The following FMO4 variants were observed in gnomAD, a reference collection of about 807,000 sequenced individuals.
FMO4 encodes the protein flavin containing dimethylaniline monoxygenase 4, also known as dimethylaniline monooxygenase [N-oxide-forming] 4.
FMO4 carries 38 observed loss-of-function variants against 43.3 expected under a neutral mutation model. The observed-to-expected ratio is 0.88, with a 90% CI of 0.68 to 1.15. The LOEUF (loss-of-function observed/expected upper bound fraction) is 1.15. Among genes scored for constraint, FMO4 ranks in the 50% most tolerant of loss-of-function variants. The pLI is 0.00. For synonymous variants in FMO4, 224 were observed against 232.2 expected, an observed-to-expected ratio of 0.96 and a Z score of 0.32; for missense variants, 631 against 663.3, an observed-to-expected ratio of 0.95 and a Z score of 0.54.
intron 4 of FMO4, 93 bp from the exon 5 acceptor site, chr1:171,324,045 C>A: frequency 1.7e-6 from 2 of 1,176,148 alleles, no homozygotes; most frequent in Non-Finnish European, 2.3e-6. Context: ...TGGGACTTGG[C>A]CTACTAAAAG....
At chr1:171,327,359 A>G (rs1662712236) in intron 5 of FMO4, among the ~76,000 whole-genome samples, 1 of 152,094 alleles carries the variant, frequency 6.6e-6, no homozygotes. Context: ...CTGACAGCTG[A>G]GCTCCAGAGT....
Position 171,335,721 on chromosome 1 carries a change from CA to C in FMO4, c.1180+967del, listed in dbSNP as rs968199832. On this transcript the variant is annotated intron_variant, in intron 8 of 9. Coordinates refer to ENST00000367749, the MANE Select transcript of FMO4 (RefSeq NM_002022.3). ...AACCGTACGTTCTCCTAAGTTGGCA[CA>C]AAAAAAAATGTTATTTGAATGGGGG... Among the ~76,000 whole-genome samples the C allele has an allele frequency of 9.4e-5, 14 of 148,798 alleles. No homozygotes were observed. The East Asian group carries it at 9.8e-4, about 10-fold the overall frequency.
rs1663400702 is a variant in FMO4 at position 171,342,031 on chromosome 1, TC to T, written c.*193del. The T allele has an allele frequency of 5.3e-6, 3 of 569,308 alleles. No individual in the cohort carries two copies. In the South Asian group the frequency reaches 7.2e-5, roughly 14 times the overall value. 35.3% of individuals were successfully genotyped at this position (569,308 alleles called of 1,614,324 possible). A position where few individuals can be genotyped will look rare whatever the true frequency, so the allele number is the denominator to read the frequency against. On this transcript the variant is annotated 3_prime_UTR_variant, in exon 10 of 10. Coordinates refer to ENST00000367749, the MANE Select transcript of FMO4 (RefSeq NM_002022.3). ...TCTTGCCACCCTTTCCAATGCATCT[TC>T]TACCCTGCTACCTCAGTGATTATTC...
intron 5 of FMO4, among the ~76,000 whole-genome samples, chr1:171,329,680 T>G (rs1242219486): frequency 6.6e-6 from 1 of 152,188 alleles, no homozygotes; most frequent in Non-Finnish European, 1.5e-5. Context: ...CCTGGCTCCA[T>G]GTCAACATGA....
chr1:171,327,859 G>A (rs1412388063), intron 5 of FMO4, among the ~76,000 whole-genome samples: 1 of 152,126 alleles, frequency 6.6e-6, no homozygotes, highest in Non-Finnish European at 1.5e-5. Flanking sequence ...GTTACAGTGA[G>A]CTCTGATGGT....
Position 171,331,738 on chromosome 1 carries a change from A to G in FMO4, c.583A>G (p.Thr195Ala). The change falls in exon 6 of 10, where the codon ACT becomes GCT. Residue 195 changes from threonine to alanine, a missense_variant. Thr to Ala is a moderately conservative substitution (Grantham distance 58). Coordinates refer to ENST00000367749, the MANE Select transcript of FMO4 (RefSeq NM_002022.3). ...CGTCTTGGTGATTGGTCTTGGGAACACTGGAGGAGACATTGCTGTGGAACT... is the reference window on the plus strand; with the variant it reads ...CGTCTTGGTGATTGGTCTTGGGAACGCTGGAGGAGACATTGCTGTGGAACT... Reference protein sequence around the residue: ...KRVLVIGLGNTGGDIAVELSR... With the variant: ...KRVLVIGLGNAGGDIAVELSR... 1 of 1,613,992 alleles carries G rather than the reference A, an allele frequency of 6.2e-7. No homozygotes were observed.
chr1:171,323,421 TGGA>T (rs1662523311), intron 4 of FMO4, among the ~76,000 whole-genome samples: 1 of 152,178 alleles, frequency 6.6e-6, no homozygotes, highest in South Asian at 2.1e-4. Flanking sequence ...CGCAATACTT[TGGA>T]AGGCCGAGGC....
chr1:171,333,625 T>C (rs1006334357), intron 7 of FMO4, among the ~76,000 whole-genome samples: 1 of 152,244 alleles, frequency 6.6e-6, no homozygotes, highest in African/African-American at 2.4e-5. Flanking sequence ...ATTTTTATTA[T>C]ACACTTGACC....
At position 171,324,195 on chromosome 1, in the gene FMO4, G is replaced by T. The variant is rs758152278; in HGVS notation, c.379G>T (p.Val127Phe). ...PDFSETGQWD[V>F]VTETEGKQNR... is the part of the protein sequence containing the mutation. Reference sequence around the variant, plus strand: ...CTTCTCCGAAACTGGTCAGTGGGATGTTGTCACAGAGACAGAGGGCAAGCA... The same window carrying T: ...CTTCTCCGAAACTGGTCAGTGGGATTTTGTCACAGAGACAGAGGGCAAGCA... The change falls in exon 5 of 10, where the codon GTT becomes TTT. Residue 127 changes from valine (V) to phenylalanine (F), a missense_variant. Coordinates refer to ENST00000367749, the MANE Select transcript of FMO4 (RefSeq NM_002022.3). 4 of 1,613,698 alleles carry T rather than the reference G, an allele frequency of 2.5e-6. No individual in the cohort carries two copies. In the African/African-American group the frequency reaches 4.0e-5, roughly 16 times the overall value.
chr1:171,334,165 TAGAG>T (rs1269102539), intron 7 of FMO4, among the ~76,000 whole-genome samples: 1 of 152,178 alleles, frequency 6.6e-6, no homozygotes, highest in African/African-American at 2.4e-5. Flanking sequence ...TTCTAAGAGA[TAGAG>T]AGTTTTAAAC....
rs781467811 is a variant in FMO4 at position 171,319,812 on chromosome 1, T to C, written c.-8-6T>C. ...AAAGAAGTTCTGCTTGACTTTCCTC[T>C]AACAGAGCATACCATGGCCAAGAAA... On this transcript the variant is annotated splice_polypyrimidine_tract_variant and splice_region_variant and intron_variant, in intron 2 of 9. Transcript: ENST00000367749. The C allele has an allele frequency of 7.4e-6, 12 of 1,613,036 alleles. No individual in the cohort carries two copies. In the Admixed American group the frequency reaches 1.0e-4, roughly 13 times the overall value.
intron 3 of FMO4, 131 bp from the exon 4 acceptor site, chr1:171,322,873 T>A: frequency 1.5e-6 from 1 of 650,336 alleles, no homozygotes. Context: ...TCAATAAAAG[T>A]AAATAAAATT....
At chr1:171,316,621 T>C (rs567210639) in intron 2 of FMO4, among the ~76,000 whole-genome samples, 2 of 152,330 alleles carry the variant, frequency 1.3e-5, no homozygotes, top group African/African-American at 4.8e-5. Flanking sequence ...CAAACCCAAC[T>C]CTGCTGCCTC....
chr1:171,340,883 T>C (rs1386448809), intron 9 of FMO4, among the ~76,000 whole-genome samples: 2 of 152,070 alleles, frequency 1.3e-5, no homozygotes, highest in Non-Finnish European at 2.9e-5. Flanking sequence ...AAATGAGTAT[T>C]TGGTCCAAAA....
chr1:171,337,539 C>G, intron 9 of FMO4, 114 bp downstream of exon 9: 1 of 731,106 alleles, frequency 1.4e-6, no homozygotes, highest in Non-Finnish European at 2.4e-6. Context: ...GGAAATAACT[C>G]TGCATTAGGA....
chr1:171,327,604 G>T (rs1662720666), intron 5 of FMO4, among the ~76,000 whole-genome samples: 1 of 152,128 alleles, frequency 6.6e-6, no homozygotes, highest in Admixed American at 6.5e-5. Context: ...CTCTATGGGG[G>T]TGCTGTGAGG....
At chr1:171,335,722 A>G (rs561587187) in intron 8 of FMO4, among the ~76,000 whole-genome samples, 8 of 151,392 alleles carry the variant, frequency 5.3e-5, no homozygotes, top group Non-Finnish European at 1.0e-4. Context: ...AAGTTGGCAC[A>G]AAAAAAAATG....
intron 6 of FMO4, 117 bp downstream of exon 6, chr1:171,331,899 A>C: frequency 1.3e-6 from 1 of 796,260 alleles, no homozygotes; most frequent in East Asian, 2.6e-5. Flanking sequence ...ACACACAGTA[A>C]GTGGGAAAAA....
At chr1:171,337,956 A>G (rs1401453706) in intron 9 of FMO4, among the ~76,000 whole-genome samples, 1 of 151,942 alleles carries the variant, frequency 6.6e-6, no homozygotes, top group African/African-American at 2.4e-5. Flanking sequence ...CCCTCCCTCT[A>G]GATAGCTCCA....
Sources: allele counts gnomAD v4.1 joint callset (sites outside exome capture counted in the v4.1 genomes callset), GRCh38; gene constraint gnomAD v4.1.1; transcripts MANE v1.5; gene names NCBI Gene and HGNC (gene_info 2026-07-23, HGNC 2026-07-21).